IMMP2L: variants seen among roughly 807,000 people sequenced by gnomAD.
The protein encoded by IMMP2L is inner mitochondrial membrane peptidase subunit 2.
Under a neutral mutation model 19.3 loss-of-function variants are expected in IMMP2L, and 18 were observed. The ratio of observed to expected loss-of-function variants is 0.93; its 90% CI spans 0.64 to 1.38. The LOEUF is 1.38. Ranked by LOEUF, IMMP2L falls within the 40% of genes most tolerant of loss-of-function variation. IMMP2L has a pLI of 0.00. For synonymous variants in IMMP2L, 76 were observed against 73.0 expected, an observed-to-expected ratio of 1.04 and a Z score of -0.21; for missense variants, 233 against 218.2, an observed-to-expected ratio of 1.07 and a Z score of -0.43.
chr7:111,139,173 T>C (rs1393225968), intron 3 of IMMP2L, among the ~76,000 whole-genome samples: 1 of 152,018 alleles, frequency 6.6e-6, no homozygotes, highest in Non-Finnish European at 1.5e-5. Flanking sequence ...CATTGTACAA[T>C]GAGGAAGAAA....
chr7:111,233,996 A>C (rs1814007959), intron 3 of IMMP2L, among the ~76,000 whole-genome samples: 1 of 152,120 alleles, frequency 6.6e-6, no homozygotes, highest in Non-Finnish European at 1.5e-5. Flanking sequence ...ATATACAAAA[A>C]GACAACCCAT....
intron 3 of IMMP2L, among the ~76,000 whole-genome samples, chr7:111,381,576 G>A (rs1218499977): frequency 6.6e-6 from 1 of 151,960 alleles, no homozygotes; most frequent in Non-Finnish European, 1.5e-5. Flanking sequence ...GAAAAACTGT[G>A]AGGAGGAAAA....
chr7:111,156,556 T>A (rs1403319611), intron 3 of IMMP2L, among the ~76,000 whole-genome samples: 4 of 152,126 alleles, frequency 2.6e-5, no homozygotes, highest in Non-Finnish European at 5.9e-5. Context: ...CTCAGTTTGC[T>A]AAGTCGACAT....
intron 3 of IMMP2L, among the ~76,000 whole-genome samples, chr7:111,241,424 T>G (rs762988885): frequency 2.0e-5 from 3 of 151,982 alleles, no homozygotes; most frequent in East Asian, 1.9e-4. Flanking sequence ...AAAATACATA[T>G]GCTCTGGAAC....
intron 5 of IMMP2L, among the ~76,000 whole-genome samples, chr7:110,797,609 A>G (rs1800946570): frequency 6.6e-6 from 1 of 152,016 alleles, no homozygotes; most frequent in Admixed American, 6.6e-5. Flanking sequence ...CGTGCTTGTA[A>G]GTGTGAGCAC....
chr7:111,058,534 C>A (rs377410529), intron 3 of IMMP2L, among the ~76,000 whole-genome samples: 2 of 152,050 alleles, frequency 1.3e-5, no homozygotes, highest in African/African-American at 2.4e-5. Flanking sequence ...GAACAGGGTT[C>A]CTTATATTAT....
chr7:110,881,918 C>T (rs1360473123), intron 5 of IMMP2L, among the ~76,000 whole-genome samples: 1 of 152,128 alleles, frequency 6.6e-6, no homozygotes, highest in Non-Finnish European at 1.5e-5. Flanking sequence ...CTCTGTTCTA[C>T]CAAATCCTCC....
At chr7:110,667,029 G>A (rs573471540) in intron 5 of IMMP2L, among the ~76,000 whole-genome samples, 13 of 152,154 alleles carry the variant, frequency 8.5e-5, no homozygotes, top group Non-Finnish European at 1.5e-4. Context: ...CAGCCACCAC[G>A]CCCAGCTAAT....
At chr7:110,676,098 T>C (rs775400962) in intron 5 of IMMP2L, among the ~76,000 whole-genome samples, 20 of 152,226 alleles carry the variant, frequency 1.3e-4, no homozygotes, top group Non-Finnish European at 2.2e-4. Context: ...TAGTAAATGA[T>C]AGAAGCAAGA....
chr7:111,077,381 T>C (rs930682888), intron 3 of IMMP2L, among the ~76,000 whole-genome samples: 1 of 152,218 alleles, frequency 6.6e-6, no homozygotes, highest in African/African-American at 2.4e-5. Flanking sequence ...CTTGCTCTTC[T>C]CTCGGAATCC....
At chr7:111,077,245 GTTTT>G (rs1795492794) in intron 3 of IMMP2L, among the ~76,000 whole-genome samples, 1 of 152,196 alleles carries the variant, frequency 6.6e-6, no homozygotes, top group South Asian at 2.1e-4. Flanking sequence ...TGAGGGCAAA[GTTTT>G]TTGTTTGGTT....
At chr7:111,314,316 G>A (rs1823820991) in intron 3 of IMMP2L, among the ~76,000 whole-genome samples, 1 of 152,102 alleles carries the variant, frequency 6.6e-6, no homozygotes, top group South Asian at 2.1e-4. Context: ...AGCATAAGAT[G>A]TCCTGGAAAG....
chr7:111,015,618 A>C (rs1482483561), intron 3 of IMMP2L, among the ~76,000 whole-genome samples: 2 of 152,194 alleles, frequency 1.3e-5, no homozygotes, highest in Non-Finnish European at 2.9e-5. Flanking sequence ...GAAATGTCCA[A>C]GACAGGCAAA....
chr7:110,953,688 A>G (rs528378427), intron 4 of IMMP2L, among the ~76,000 whole-genome samples: 11 of 152,270 alleles, frequency 7.2e-5, no homozygotes, highest in African/African-American at 2.6e-4. Context: ...ATACCCAGGA[A>G]TGGGATTGCG....
chr7:110,704,087 T>G (rs547979891), intron 5 of IMMP2L, among the ~76,000 whole-genome samples: 2 of 152,262 alleles, frequency 1.3e-5, no homozygotes, highest in African/African-American at 4.8e-5. Flanking sequence ...GACCTCATGA[T>G]CCACCCGCCT....
At chr7:111,050,340 T>C (rs1392761439) in intron 3 of IMMP2L, among the ~76,000 whole-genome samples, 2 of 152,198 alleles carry the variant, frequency 1.3e-5, no homozygotes, top group Non-Finnish European at 2.9e-5. Flanking sequence ...GGAGAAATTG[T>C]ATCAATCTCT....
chr7:111,380,892 A>G (rs1425091247), intron 3 of IMMP2L, among the ~76,000 whole-genome samples: 1 of 151,260 alleles, frequency 6.6e-6, no homozygotes. Context: ...AAAGTAACAG[A>G]ATCTGTTTCT....
intron 3 of IMMP2L, among the ~76,000 whole-genome samples, chr7:110,973,798 G>T (rs1270462231): frequency 1.3e-5 from 2 of 152,068 alleles, no homozygotes; most frequent in Non-Finnish European, 2.9e-5. Flanking sequence ...CATACAAAAT[G>T]GACTCTAATC....
At chr7:111,220,199 A>G (rs893587912) in intron 3 of IMMP2L, among the ~76,000 whole-genome samples, 14 of 152,100 alleles carry the variant, frequency 9.2e-5, no homozygotes, top group Non-Finnish European at 1.0e-4. Context: ...TCACAAAGGA[A>G]AAAAATGAAA....
Sources: gnomAD v4.1 joint callset for allele counts (sites outside exome capture counted in the v4.1 genomes callset) on GRCh38, gnomAD v4.1.1 for gene constraint, MANE v1.5 for transcripts, NCBI Gene and HGNC (gene_info 2026-07-23, HGNC 2026-07-21) for gene names.